The following MYO5B variants were observed in gnomAD, a reference collection of about 807,000 sequenced individuals.
The protein encoded by MYO5B is myosin VB.
Under a neutral mutation model 229.3 loss-of-function variants are expected in MYO5B, and 143 were observed. The observed-to-expected ratio is 0.62, with a 90% CI of 0.54 to 0.72. The LOEUF is 0.72. Among genes scored for constraint, MYO5B ranks in the 30% least tolerant of loss-of-function variants. The probability of loss-of-function intolerance (pLI) is 0.00; values close to 1 mark genes in which losing one functional copy is unlikely to be tolerated. For synonymous variants in MYO5B, 918 were observed against 885.2 expected (o/e 1.04, Z -0.66); for missense variants, 2,321 against 2,331.0 (o/e 1.00, Z 0.09).
In MYO5B at chr18:50,014,431, TTCC is replaced by T. The variant is rs58388062; in HGVS notation, c.456-13023_456-13021del. 9.2e-3 allele frequency among the ~76,000 whole-genome samples: 1,394 copies of T among 152,318 alleles called. 19 individuals are homozygous for T. The highest frequency in any genetic ancestry group is 0.032 in the African/African-American group (1,328 of 41,564). Reference sequence around the variant, plus strand: ...TTATTTCATTTCTGTAAAACTTGGTTTCCTCGTTTGTAAGAGAGAGTATTAATG... The same window carrying T: ...TTATTTCATTTCTGTAAAACTTGGTTTCGTTTGTAAGAGAGAGTATTAATG... On this transcript the variant is annotated intron_variant, in intron 4 of 39. Coordinates refer to ENST00000285039, the MANE Select transcript of MYO5B (RefSeq NM_001080467.3).
intron 22 of MYO5B, among the ~76,000 whole-genome samples, chr18:49,893,987 T>C (rs1165983912): frequency 6.6e-6 from 1 of 152,186 alleles, no homozygotes; most frequent in Non-Finnish European, 1.5e-5. Flanking sequence ...GGAGATGATC[T>C]GAACCAACTT....
chr18:49,925,471 A>G (rs1327585764), intron 17 of MYO5B, among the ~76,000 whole-genome samples: 1 of 152,248 alleles, frequency 6.6e-6, no homozygotes, highest in Non-Finnish European at 1.5e-5. Flanking sequence ...GGGCTGCGTC[A>G]TGGGCCAATG....
rs201448346 is a variant in MYO5B, at chr18:49,922,967, G to C, written c.2090+6545C>G. ...AGTAGGAGAATCCATTTTCCACGTG[G>C]GTCTAAAGACTTTGGGGAAATGCAT... On this transcript the variant is annotated intron_variant, in intron 17 of 39. Transcript: ENST00000285039. Among the ~76,000 whole-genome samples the C allele has an allele frequency of 2.2e-4, 33 of 152,254 alleles. No individual in the cohort carries two copies. The East Asian group carries it at 3.9e-3, about 18-fold the overall frequency.
Position 49,936,335 on chromosome 18 carries a change from C to T in MYO5B, c.1920G>A (p.Leu640=), listed in dbSNP as rs1443207464. ...CATTCAGGGTCTCCATGAGCAGATG[C>T]AGGGAGGTACGGAACTAGAGAGACA... The part of the protein sequence containing the change: ...KTVGHQFRTS[L]HLLMETLNAT... The change falls in exon 16 of 40, where the codon CTG becomes CTA. Residue 640 remains leucine (L), a synonymous_variant. Transcript: ENST00000285039. The T allele has an allele frequency of 3.8e-6, 6 of 1,598,276 alleles. No individual in the cohort carries two copies. Among genetic ancestry groups the T allele is most frequent in the Non-Finnish European group, 8.5e-7 (1 of 1,171,344 alleles).
chr18:49,877,651 G>A (rs1429540705), intron 25 of MYO5B, 112 bp downstream of exon 25: 7 of 1,438,096 alleles, frequency 4.9e-6, no homozygotes, highest in African/African-American at 1.4e-5. Flanking sequence ...TAGCCCCTGG[G>A]CACTCTGGTC....
chr18:50,128,976 C>T (rs1002618862), intron 1 of MYO5B, among the ~76,000 whole-genome samples: 1 of 152,194 alleles, frequency 6.6e-6, no homozygotes, highest in Non-Finnish European at 1.5e-5. Context: ...ACAAAACACA[C>T]CCAGGGCCTA....
chr18:50,143,229 G>C (rs1228342202), intron 1 of MYO5B, among the ~76,000 whole-genome samples: 1 of 152,230 alleles, frequency 6.6e-6, no homozygotes, highest in South Asian at 2.1e-4. Flanking sequence ...TAAGGGGTCT[G>C]TTACAAGAGA....
chr18:49,911,248 G>C (rs1444322570), intron 18 of MYO5B, among the ~76,000 whole-genome samples: 1 of 152,170 alleles, frequency 6.6e-6, no homozygotes, highest in African/African-American at 2.4e-5. Context: ...ATCCTGAGCC[G>C]GCAGCTTGCA....
At chr18:50,052,043 A>C (rs1360404747) in intron 2 of MYO5B, among the ~76,000 whole-genome samples, 1 of 152,240 alleles carries the variant, frequency 6.6e-6, no homozygotes, top group Non-Finnish European at 1.5e-5. Context: ...ATCATTAAAA[A>C]GTCAGGAAAC....
intron 1 of MYO5B, among the ~76,000 whole-genome samples, chr18:50,062,963 C>A (rs1049522095): frequency 2.0e-5 from 3 of 152,086 alleles, no homozygotes; most frequent in Admixed American, 2.0e-4. Flanking sequence ...GTCTTCTGCA[C>A]CAGGGTTGTT....
chr18:50,083,264 A>C (rs931319264), intron 1 of MYO5B, among the ~76,000 whole-genome samples: 2 of 152,198 alleles, frequency 1.3e-5, no homozygotes, highest in African/African-American at 4.8e-5. Context: ...GAAGCTTGCC[A>C]AACCCCACCA....
intron 26 of MYO5B, 133 bp from the exon 27 acceptor site, chr18:49,872,365 A>G: frequency 1.2e-6 from 1 of 845,898 alleles, no homozygotes; most frequent in South Asian, 1.3e-5. Context: ...CCACAAGTCC[A>G]CTTCCTTCCC....
rs1333326684 is a variant in MYO5B, at chr18:49,825,095, G to C, written c.*1376C>G. 1.3e-5 allele frequency: 2 copies of C among 152,162 alleles called. No individual in the cohort carries two copies. The highest frequency in any genetic ancestry group is 4.8e-5 in the African/African-American group (2 of 41,436). 9.4% of individuals were successfully genotyped at this position (152,162 alleles called of 1,614,324 possible). On this transcript the variant is annotated 3_prime_UTR_variant, in exon 40 of 40. Transcript: ENST00000285039. ...TCTTATTTTCTCAATGTAATACAGA[G>C]GCTGTTCTTCCATGATTTGCAAATA...
intron 22 of MYO5B, among the ~76,000 whole-genome samples, chr18:49,886,984 A>G (rs2024650046): frequency 6.6e-6 from 1 of 152,154 alleles, no homozygotes; most frequent in African/African-American, 2.4e-5. Flanking sequence ...TCGTGTTGAA[A>G]TGTGATTCCT....
intron 4 of MYO5B, among the ~76,000 whole-genome samples, chr18:50,020,853 T>C (rs887524363): frequency 1.3e-5 from 2 of 152,246 alleles, no homozygotes; most frequent in Non-Finnish European, 2.9e-5. Context: ...TGGATGTTTT[T>C]AGGTAGGAGA....
At chr18:50,108,808 T>C (rs1027143934) in intron 1 of MYO5B, among the ~76,000 whole-genome samples, 3 of 152,228 alleles carry the variant, frequency 2.0e-5, no homozygotes, top group African/African-American at 7.2e-5. Flanking sequence ...AAAAACTGAT[T>C]ATCTTTCCCC....
At chr18:49,903,369 A>G (rs1056192337) in intron 20 of MYO5B, among the ~76,000 whole-genome samples, 2 of 152,198 alleles carry the variant, frequency 1.3e-5, no homozygotes, top group Admixed American at 1.3e-4. Flanking sequence ...TTGTGGAATA[A>G]ATGAGTAAAC....
chr18:50,079,192 C>T (rs887426796), intron 1 of MYO5B, among the ~76,000 whole-genome samples: 2 of 152,202 alleles, frequency 1.3e-5, no homozygotes, highest in African/African-American at 4.8e-5. Context: ...GTTAGATATA[C>T]ACTTATGTGT....
At position 50,092,488 on chromosome 18, in the gene MYO5B, A is replaced by G. The variant is rs551763640; in HGVS notation, c.28-37110T>C. 4.6e-5 allele frequency among the ~76,000 whole-genome samples: 7 copies of G among 152,284 alleles called. No homozygotes were observed. In the South Asian group the frequency reaches 1.5e-3, roughly 32 times the overall value. ...CCTCACTAAAGCAGGGTGTGTCTAAAGCCATCGACTTTGGTTAACAATCAG... is the reference window on the plus strand; with the variant it reads ...CCTCACTAAAGCAGGGTGTGTCTAAGGCCATCGACTTTGGTTAACAATCAG... On this transcript the variant is annotated intron_variant, in intron 1 of 39. Coordinates refer to ENST00000285039, the MANE Select transcript of MYO5B (RefSeq NM_001080467.3).
Sources: gnomAD v4.1 joint callset for allele counts (sites outside exome capture counted in the v4.1 genomes callset) on GRCh38, gnomAD v4.1.1 for gene constraint, MANE v1.5 for transcripts, NCBI Gene and HGNC (gene_info 2026-07-23, HGNC 2026-07-21) for gene names.